Variants in NETO1 observed in about 807,000 individuals in gnomAD.
NETO1 encodes neuropilin and tolloid-like protein 1.
NETO1 carries 26 observed loss-of-function variants against 61.3 expected under a neutral mutation model. The observed-to-expected ratio is 0.42, with a 90% confidence interval of 0.31 to 0.59. The LOEUF is 0.59. NETO1 is among the 20% of genes least tolerant of loss of function. NETO1 has a pLI of 0.12. For synonymous variants in NETO1, 225 were observed against 225.8 expected (o/e 1.00, Z 0.03); for missense variants, 531 against 662.8 (o/e 0.80, Z 2.18).
intron 4 of NETO1, among the ~76,000 whole-genome samples, chr18:72,850,458 TA>T (rs771917089): frequency 7.9e-5 from 12 of 152,208 alleles, no homozygotes; most frequent in Middle Eastern, 3.2e-3. Flanking sequence ...TTCCTTGATT[TA>T]GTTTTCAAAT....
intron 4 of NETO1, among the ~76,000 whole-genome samples, chr18:72,807,842 T>C (rs1472055307): frequency 6.6e-6 from 1 of 152,162 alleles, no homozygotes; most frequent in Non-Finnish European, 1.5e-5. Flanking sequence ...TGTATGTTGC[T>C]GTTGCTGTTG....
At chr18:72,867,165 G>T in intron 1 of NETO1, 99 bp downstream of exon 1, 1 of 902,102 alleles carries the variant, frequency 1.1e-6, no homozygotes, top group Non-Finnish European at 1.6e-6. Context: ...AGGGTCCGCC[G>T]GAGCGCGGCG....
At chr18:72,822,083 C>T (rs1235976007) in intron 4 of NETO1, among the ~76,000 whole-genome samples, 5 of 152,098 alleles carry the variant, frequency 3.3e-5, no homozygotes, top group Admixed American at 2.0e-4. Context: ...GCCTGGGACT[C>T]GAGATAACCA....
In NETO1 at chr18:72,748,693, C is replaced by G. The variant is rs571054060; in HGVS notation, c.*14+321G>C. Among the ~76,000 whole-genome samples the G allele has an allele frequency of 2.0e-5, 3 of 151,972 alleles. No homozygotes were observed. In the South Asian group the frequency reaches 6.2e-4, roughly 32 times the overall value. On this transcript the variant is annotated intron_variant, in intron 10 of 10. Transcript: ENST00000327305. Reference sequence around the variant, plus strand: ...TTAGTTTAAAAACCTTGGTTTTTTTCGAGTATTTCTTTGGAGATAGTTCAT... The same window carrying G: ...TTAGTTTAAAAACCTTGGTTTTTTTGGAGTATTTCTTTGGAGATAGTTCAT...
At chr18:72,825,314 A>G (rs1036440496) in intron 4 of NETO1, among the ~76,000 whole-genome samples, 2 of 152,216 alleles carry the variant, frequency 1.3e-5, no homozygotes, top group Admixed American at 1.3e-4. Flanking sequence ...AGTGATTTTG[A>G]TAATTGTTTT....
chr18:72,796,954 A>C (rs1430211162), intron 4 of NETO1, among the ~76,000 whole-genome samples: 1 of 152,176 alleles, frequency 6.6e-6, no homozygotes, highest in Non-Finnish European at 1.5e-5. Flanking sequence ...CTACTGTGTA[A>C]TAAAAGCCAT....
chr18:72,801,307 T>A (rs190887457), intron 4 of NETO1, among the ~76,000 whole-genome samples: 16 of 152,314 alleles, frequency 1.1e-4, no homozygotes, highest in East Asian at 1.9e-4. Flanking sequence ...TAAAGTTTTT[T>A]AAATGTTATT....
At chr18:72,770,497 T>A (rs896434227) in intron 7 of NETO1, among the ~76,000 whole-genome samples, 1 of 152,152 alleles carries the variant, frequency 6.6e-6, no homozygotes, top group African/African-American at 2.4e-5. Context: ...TCTCAGCATA[T>A]GTTGTGTATT....
At chr18:72,750,006 G>C in intron 9 of NETO1, 56 bp downstream of exon 9, 1 of 1,243,878 alleles carries the variant, frequency 8.0e-7, no homozygotes. Context: ...ACAATACTCT[G>C]GAAGTATTTC....
chr18:72,831,764 C>A (rs552698642), intron 4 of NETO1, among the ~76,000 whole-genome samples: 2 of 152,052 alleles, frequency 1.3e-5, no homozygotes, highest in Admixed American at 6.6e-5. Flanking sequence ...TTCCTCATTA[C>A]GTTTCTGTGC....
chr18:72,791,683 T>A (rs2072123834), intron 6 of NETO1, among the ~76,000 whole-genome samples: 1 of 152,158 alleles, frequency 6.6e-6, no homozygotes, highest in African/African-American at 2.4e-5. Flanking sequence ...AACTTTCTCC[T>A]TGAGACTGCA....
At chr18:72,834,886 A>G in intron 4 of NETO1, 1 of 853,348 alleles carries the variant, frequency 1.2e-6, no homozygotes, top group Non-Finnish European at 1.4e-6. Flanking sequence ...AAATTATCGA[A>G]AAAGATTATA....
At chr18:72,754,825 T>C (rs1466959641) in intron 8 of NETO1, among the ~76,000 whole-genome samples, 2 of 152,228 alleles carry the variant, frequency 1.3e-5, no homozygotes, top group Non-Finnish European at 2.9e-5. Flanking sequence ...TGTTTAAGTT[T>C]ATAGGCTTAT....
intron 3 of NETO1, among the ~76,000 whole-genome samples, chr18:72,862,420 T>C (rs2074601237): frequency 6.6e-6 from 1 of 152,194 alleles, no homozygotes; most frequent in Admixed American, 6.5e-5. Context: ...GCTACATGTA[T>C]CCAATCTTTT....
At chr18:72,761,540 A>G (rs956986438) in intron 7 of NETO1, among the ~76,000 whole-genome samples, 7 of 152,202 alleles carry the variant, frequency 4.6e-5, no homozygotes, top group African/African-American at 1.7e-4. Context: ...TAAGAGAGAC[A>G]TTCAGATCCC....
intron 4 of NETO1, among the ~76,000 whole-genome samples, chr18:72,805,967 T>C (rs1420343000): frequency 2.0e-5 from 3 of 152,206 alleles, no homozygotes; most frequent in Admixed American, 2.0e-4. Flanking sequence ...TAAATCTTTT[T>C]CATTTGTCCT....
At chr18:72,863,817 G>A (rs984391265) in intron 3 of NETO1, among the ~76,000 whole-genome samples, 2 of 152,054 alleles carry the variant, frequency 1.3e-5, no homozygotes, top group Non-Finnish European at 2.9e-5. Context: ...TGTGTGTGGG[G>A]GGAAGGTGGG....
At chr18:72,754,884 C>A (rs557492459) in intron 8 of NETO1, among the ~76,000 whole-genome samples, 1 of 152,292 alleles carries the variant, frequency 6.6e-6, no homozygotes, top group South Asian at 2.1e-4. Context: ...TCAACAACAG[C>A]AAATACGTAT....
chr18:72,802,607 T>C (rs1353278682), intron 4 of NETO1, among the ~76,000 whole-genome samples: 1 of 152,232 alleles, frequency 6.6e-6, no homozygotes, highest in Non-Finnish European at 1.5e-5. Flanking sequence ...TGTTGAAATA[T>C]TCAAATTTTT....
Sources: allele counts gnomAD v4.1 joint callset (sites outside exome capture counted in the v4.1 genomes callset), GRCh38; gene constraint gnomAD v4.1.1; transcripts MANE v1.5; gene names NCBI Gene and HGNC (gene_info 2026-07-23, HGNC 2026-07-21).